SLC26A5: variants seen among roughly 807,000 people sequenced by gnomAD.
SLC26A5 encodes the protein prestin.
SLC26A5 carries 51 observed loss-of-function variants against 81.0 expected under a neutral mutation model. The ratio of observed to expected loss-of-function variants is 0.63; its 90% CI spans 0.50 to 0.80. The LOEUF (loss-of-function observed/expected upper bound fraction) is 0.80, where lower values mean the gene tolerates loss of function less well. Ranked by LOEUF, SLC26A5 falls within the 30% of genes least tolerant of loss-of-function variation. The probability of loss-of-function intolerance (pLI) is 0.00; values close to 1 mark genes in which losing one functional copy is unlikely to be tolerated. For synonymous variants in SLC26A5, 325 were observed against 332.8 expected, an observed-to-expected ratio of 0.98 and a Z score of 0.25; for missense variants, 771 against 905.8, an observed-to-expected ratio of 0.85 and a Z score of 1.91.
At chr7:103,440,113 T>C (rs1826767625) in intron 2 of SLC26A5, among the ~76,000 whole-genome samples, 1 of 152,134 alleles carries the variant, frequency 6.6e-6, no homozygotes, top group African/African-American at 2.4e-5. Context: ...CTGTCTCTCT[T>C]CCCCTCTTCA....
intron 8 of SLC26A5, among the ~76,000 whole-genome samples, chr7:103,404,132 G>A (rs1388419583): frequency 3.9e-5 from 6 of 152,018 alleles, no homozygotes; most frequent in East Asian, 1.9e-4. Context: ...GCAGTGAACC[G>A]AGATCGCACC....
In SLC26A5 at chr7:103,374,484, T is replaced by TCTCTAAG; in HGVS notation, c.2143_2149dup (p.Glu717AlafsTer2). Reference sequence around the variant, plus strand: ...CGAGGCTTCCTGTTCAGCAAGTGCCTCTCTAAGTTGGCTGCCTAAAACTGC... The same window carrying TCTCTAAG: ...CGAGGCTTCCTGTTCAGCAAGTGCCTCTCTAAGCTCTAAGTTGGCTGCCTAAAACTGC... On this transcript the variant is annotated stop_gained and frameshift_variant, in exon 20 of 20. Transcript: ENST00000306312. LOFTEE classifies it high-confidence loss of function. 1 of 1,613,738 alleles carries TCTCTAAG rather than the reference T, an allele frequency of 6.2e-7. No individual in the cohort carries two copies. The highest frequency in any genetic ancestry group is 8.5e-7 in the Non-Finnish European group (1 of 1,180,010).
At chr7:103,390,699 C>T (rs745570605) in intron 11 of SLC26A5, among the ~76,000 whole-genome samples, 193 bp from the exon 12 acceptor site, 1 of 152,060 alleles carries the variant, frequency 6.6e-6, no homozygotes, top group African/African-American at 2.4e-5. Flanking sequence ...CTTCTTATGG[C>T]TTTTAAATGG....
intron 2 of SLC26A5, among the ~76,000 whole-genome samples, chr7:103,437,776 A>T (rs1343075825): frequency 1.3e-5 from 2 of 152,168 alleles, no homozygotes; most frequent in Non-Finnish European, 2.9e-5. Flanking sequence ...AGGCTAGGTC[A>T]TGGGTGGGAG....
chr7:103,358,986 A>AT lies in SLC26A5; in HGVS notation c.2042-6061dup, dbSNP rs550195195. On this transcript the variant is annotated intron_variant, in intron 19 of 19. Transcript: ENST00000339444. Reference sequence around the variant, plus strand: ...TGTATGTGTAATTTTTAGCTTGTGAATTTTTTTTTTTTTTTGAGACAAGGT... The same window carrying AT: ...TGTATGTGTAATTTTTAGCTTGTGAATTTTTTTTTTTTTTTTGAGACAAGGT... 5.3e-3 allele frequency among the ~76,000 whole-genome samples: 763 copies of AT among 143,134 alleles called. 5 individuals are homozygous for AT. The highest frequency in any genetic ancestry group is 0.015 in the African/African-American group (568 of 39,166). The allele number at this position is 143,134 out of a possible 152,430, so 93.9% of individuals were successfully genotyped here.
rs1255511402 is a variant in SLC26A5, at chr7:103,392,928, G to A, written c.1110C>T (p.Asp370=). The change falls in exon 10 of 20, where the codon GAC becomes GAT. Residue 370 remains aspartate, a synonymous_variant. Coordinates refer to ENST00000306312, the MANE Select transcript of SLC26A5 (RefSeq NM_198999.3). ...AACTGATTATCTTTACCTGATTGCC[G>A]TCAACCTGGTAGCCATGTTTATTTG... The part of the protein sequence containing the change: ...TLANKHGYQV[D]GNQELIALGL... 1.2e-5 allele frequency: 19 copies of A among 1,613,888 alleles called. No homozygotes were observed. The highest frequency in any genetic ancestry group is 2.2e-5 in the South Asian group (2 of 91,080).
Position 103,377,629 on chromosome 7 carries a change from A to G in SLC26A5, c.1956T>C (p.Ile652=). 6.2e-7 allele frequency: 1 copy of G among 1,614,120 alleles called. No individual in the cohort carries two copies. The highest frequency in any genetic ancestry group is 8.5e-7 in the Non-Finnish European group (1 of 1,180,004). The change falls in exon 18 of 20, where the codon ATT becomes ATC. Residue 652 remains isoleucine (I), a synonymous_variant. Coordinates refer to ENST00000306312, the MANE Select transcript of SLC26A5 (RefSeq NM_198999.3). ...VILDFTQVNF[I]DSVGVKTLAG... ...CCAGAGTTTTCACTCCAACAGAATC[A>G]ATAAAATTGACTTGAGTGAAATCCA...
At chr7:103,374,998 T>A (rs1018556114) in intron 19 of SLC26A5, among the ~76,000 whole-genome samples, 1 of 147,646 alleles carries the variant, frequency 6.8e-6, no homozygotes, top group African/African-American at 2.5e-5. Flanking sequence ...TTTTATATAT[T>A]TGGGGATAAG....
At chr7:103,438,055 C>T (rs1272806764) in intron 2 of SLC26A5, among the ~76,000 whole-genome samples, 2 of 152,142 alleles carry the variant, frequency 1.3e-5, no homozygotes, top group African/African-American at 4.8e-5. Context: ...ACTGTGACTT[C>T]AGCCCTCTAT....
At chr7:103,421,812 T>C (rs111572381) in intron 2 of SLC26A5, among the ~76,000 whole-genome samples, 6 of 152,230 alleles carry the variant, frequency 3.9e-5, no homozygotes, top group Non-Finnish European at 8.8e-5. Flanking sequence ...CAAAAGCTCA[T>C]ATTAAGTGCA....
In SLC26A5 at chr7:103,374,266, T is replaced by C. The variant is rs1204914227; in HGVS notation, c.*133A>G. ...GTACAATACATCTTGCTAGGCGTCA[T>C]TCACCCTCCAAATCAAGCCTGGACT... On this transcript the variant is annotated 3_prime_UTR_variant, in exon 20 of 20. Transcript: ENST00000306312. The C allele has an allele frequency of 2.6e-5, 39 of 1,489,036 alleles. No homozygotes were observed. The highest frequency in any genetic ancestry group is 9.8e-5 in the Admixed American group (4 of 40,684). 92.2% of individuals were successfully genotyped at this position (1,489,036 alleles called of 1,614,324 possible). A position where few individuals can be genotyped will look rare whatever the true frequency, so the allele number is the denominator to read the frequency against.
intron 19 of SLC26A5, chr7:103,355,726 C>G (rs751491617): frequency 6.2e-7 from 1 of 1,614,076 alleles, no homozygotes; most frequent in Non-Finnish European, 8.5e-7. Flanking sequence ...CCTGGCCCCA[C>G]CAGCACTCTG....
At chr7:103,372,889 A>AC (rs1554577208), downstream of SLC26A5, among the ~76,000 whole-genome samples, 3 of 151,834 alleles carry the variant, frequency 2.0e-5, no homozygotes, top group Non-Finnish European at 2.9e-5. Context: ...TAAAAAAAAA[A>AC]AAAAACACTA....
intron 2 of SLC26A5, among the ~76,000 whole-genome samples, chr7:103,423,134 T>C (rs987656381): frequency 7.7e-6 from 1 of 129,426 alleles, no homozygotes; most frequent in Non-Finnish European, 1.6e-5. Flanking sequence ...TAGCTGGGAG[T>C]GGTGATGCAC....
At chr7:103,368,069 C>G in intron 19 of SLC26A5, 3 of 1,584,062 alleles carry the variant, frequency 1.9e-6, no homozygotes, top group Non-Finnish European at 2.6e-6. Context: ...TGAAGGCTTT[C>G]AAGTGAAAAC....
chr7:103,410,410 T>C lies in SLC26A5; in HGVS notation c.710A>G (p.Tyr237Cys). The change falls in exon 7 of 20, where the codon TAC (tyrosine) becomes TGC (cysteine). Residue 237 changes from tyrosine (Y) to cysteine (C), a missense_variant. Transcript: ENST00000306312. ...KYLFGVKTKR[Y>C]SGIFSVVYST... ...ATACACCACGGAAAAGATTCCACTG[T>C]ACCGCTTTGTTTTAACTCCAAACAG... 6.2e-7 allele frequency: 1 copy of C among 1,614,144 alleles called. No individual in the cohort carries two copies. The highest frequency in any genetic ancestry group is 1.3e-5 in the African/African-American group (1 of 75,052).
intron 19 of SLC26A5, among the ~76,000 whole-genome samples, chr7:103,360,403 C>T (rs537788075): frequency 1.3e-5 from 2 of 152,148 alleles, no homozygotes; most frequent in South Asian, 4.2e-4. Context: ...TCTTCCCTAG[C>T]AAACATGGTT....
intron 2 of SLC26A5, among the ~76,000 whole-genome samples, chr7:103,437,564 A>G (rs1367708897): frequency 6.6e-6 from 1 of 152,242 alleles, no homozygotes; most frequent in Non-Finnish European, 1.5e-5. Flanking sequence ...GAATAAAGAA[A>G]ATGTGGTACA....
chr7:103,362,793 T>C, intron 19 of SLC26A5: 4 of 1,292,546 alleles, frequency 3.1e-6, no homozygotes, highest in Non-Finnish European at 4.4e-6. Context: ...GAAGGCTATG[T>C]CTTTTTTTTT....
Sources: gnomAD v4.1 joint callset for allele counts (sites outside exome capture counted in the v4.1 genomes callset) on GRCh38, gnomAD v4.1.1 for gene constraint, MANE v1.5 for transcripts, NCBI Gene and HGNC (gene_info 2026-07-23, HGNC 2026-07-21) for gene names.